NRG3: variants seen among roughly 807,000 people sequenced by gnomAD.
NRG3 encodes pro-neuregulin-3, membrane-bound isoform.
Under a neutral mutation model 66.9 loss-of-function variants are expected in NRG3, and 31 were observed. That is an observed-to-expected ratio of 0.46 (90% confidence interval 0.35 to 0.63). The LOEUF is 0.63. NRG3 is among the 20% of genes least tolerant of loss of function. NRG3 has a pLI of 0.00. For synonymous variants in NRG3, 393 were observed against 359.4 expected, an observed-to-expected ratio of 1.09 and a Z score of -1.06; for missense variants, 910 against 878.9, an observed-to-expected ratio of 1.04 and a Z score of -0.45.
chr10:82,315,985 A>G (rs1479756562), intron 1 of NRG3, among the ~76,000 whole-genome samples: 3 of 152,114 alleles, frequency 2.0e-5, no homozygotes, highest in Non-Finnish European at 4.4e-5. Context: ...TAGTCGCAAT[A>G]GGAAGGATGA....
At chr10:82,132,895 A>G (rs1302347000) in intron 1 of NRG3, among the ~76,000 whole-genome samples, 1 of 151,524 alleles carries the variant, frequency 6.6e-6, no homozygotes, top group Non-Finnish European at 1.5e-5. Context: ...TTATTCTTTG[A>G]ATTTCTTCAA....
chr10:82,750,410 A>G (rs2058816831), intron 3 of NRG3, among the ~76,000 whole-genome samples: 1 of 152,186 alleles, frequency 6.6e-6, no homozygotes, highest in Non-Finnish European at 1.5e-5. Context: ...ATAATATCTC[A>G]TAATGTGGAT....
chr10:82,743,281 C>A (rs907510400), intron 3 of NRG3, among the ~76,000 whole-genome samples: 1 of 152,102 alleles, frequency 6.6e-6, no homozygotes, highest in African/African-American at 2.4e-5. Context: ...TTCATACGTG[C>A]TGACTTCGAT....
intron 2 of NRG3, among the ~76,000 whole-genome samples, chr10:82,668,674 A>G (rs1327774357): frequency 6.6e-6 from 1 of 152,174 alleles, no homozygotes; most frequent in East Asian, 1.9e-4. Context: ...GAGACTGAGA[A>G]GCGTTCTGAG....
At chr10:82,577,553 AGCTT>A (rs1210026555) in intron 2 of NRG3, among the ~76,000 whole-genome samples, 5 of 151,814 alleles carry the variant, frequency 3.3e-5, no homozygotes, top group Non-Finnish European at 7.4e-5. Context: ...TGAGAAGAGA[AGCTT>A]GATCATATCA....
At chr10:82,199,416 G>A (rs1454654081) in intron 1 of NRG3, among the ~76,000 whole-genome samples, 1 of 152,022 alleles carries the variant, frequency 6.6e-6, no homozygotes, top group African/African-American at 2.4e-5. Context: ...CATGTTCTGG[G>A]AGCTGAGGTA....
chr10:82,031,285 G>C (rs962055114), intron 1 of NRG3, among the ~76,000 whole-genome samples: 2 of 152,070 alleles, frequency 1.3e-5, no homozygotes, highest in African/African-American at 4.8e-5. Flanking sequence ...GTGGACCAGG[G>C]ATTTTAATTA....
intron 2 of NRG3, among the ~76,000 whole-genome samples, chr10:82,701,910 A>G (rs1457812078): frequency 2.0e-5 from 3 of 152,190 alleles, no homozygotes; most frequent in South Asian, 4.1e-4. Flanking sequence ...ATAGGGATAT[A>G]TTAGAAGCCT....
chr10:82,691,485 A>G (rs1047403772), intron 2 of NRG3, among the ~76,000 whole-genome samples: 1 of 152,194 alleles, frequency 6.6e-6, no homozygotes, highest in African/African-American at 2.4e-5. Flanking sequence ...GGTTGCTGAC[A>G]TGATTCCAGA....
chr10:82,256,420 C>G (rs2077729354), intron 1 of NRG3, among the ~76,000 whole-genome samples: 1 of 152,118 alleles, frequency 6.6e-6, no homozygotes, highest in South Asian at 2.1e-4. Context: ...TCAGGAAGCT[C>G]TTTTTCTTGT....
At chr10:81,978,334 C>T (rs1435929078) in intron 1 of NRG3, among the ~76,000 whole-genome samples, 2 of 152,064 alleles carry the variant, frequency 1.3e-5, no homozygotes, top group Admixed American at 6.5e-5. Context: ...GTGAATATTG[C>T]CCTTTATTAT....
intron 4 of NRG3, among the ~76,000 whole-genome samples, chr10:82,914,551 G>C (rs1050522173): frequency 6.6e-6 from 1 of 152,040 alleles, no homozygotes; most frequent in Non-Finnish European, 1.5e-5. Context: ...GTTGTCCTTG[G>C]ACTTCCCTAG....
At position 81,957,308 on chromosome 10, in the gene NRG3, T is replaced by C. The variant is rs115106485; in HGVS notation, c.823+81145T>C. Among the ~76,000 whole-genome samples, 948 of 152,242 alleles carry C rather than the reference T, an allele frequency of 6.2e-3. 5 individuals carry two copies. The highest frequency in any genetic ancestry group is 0.021 in the African/African-American group (887 of 41,560). ...AGAGCTCATTCATTATAGTACCTGG[T>C]ATTTCTCTACCTAATAGTGTTATTC... On this transcript the variant is annotated intron_variant, in intron 1 of 8. Coordinates refer to ENST00000372141, the MANE Select transcript of NRG3 (RefSeq NM_001010848.4).
intron 2 of NRG3, among the ~76,000 whole-genome samples, chr10:82,433,025 T>C (rs1033629727): frequency 6.6e-6 from 1 of 152,218 alleles, no homozygotes; most frequent in African/African-American, 2.4e-5. Context: ...TCTAGATCGT[T>C]GAGGAATCAC....
intron 1 of NRG3, among the ~76,000 whole-genome samples, chr10:81,979,515 T>A (rs1047024520): frequency 6.6e-6 from 1 of 152,176 alleles, no homozygotes; most frequent in African/African-American, 2.4e-5. Flanking sequence ...TCCCACCTAG[T>A]TTTCTTTTTG....
chr10:82,599,937 G>T (rs186479558), intron 2 of NRG3, among the ~76,000 whole-genome samples: 39 of 152,246 alleles, frequency 2.6e-4, no homozygotes. Flanking sequence ...CCTTTTAAAT[G>T]TAGAACTAAA....
In NRG3 at chr10:82,023,923, T is replaced by G. The variant is rs73310535; in HGVS notation, c.823+147760T>G. ...CTTTTTGGAATAGTTTAAGTAGAAT[T>G]GTTATTGCTTCTTCTTTAAATGTTT... On this transcript the variant is annotated intron_variant, in intron 1 of 8. Transcript: ENST00000372141. 2.6e-5 allele frequency among the ~76,000 whole-genome samples: 4 copies of G among 152,018 alleles called. No homozygotes were observed. The East Asian group carries it at 7.7e-4, about 29-fold the overall frequency.
At chr10:82,019,288 A>G (rs1443822252) in intron 1 of NRG3, among the ~76,000 whole-genome samples, 1 of 152,182 alleles carries the variant, frequency 6.6e-6, no homozygotes, top group East Asian at 1.9e-4. Flanking sequence ...GATGAAGCCC[A>G]CTTGATCATG....
chr10:81,911,703 T>C (rs1845182517), intron 1 of NRG3, among the ~76,000 whole-genome samples: 1 of 143,168 alleles, frequency 7.0e-6, no homozygotes, highest in Non-Finnish European at 1.5e-5. Context: ...AACCATTCCT[T>C]CCACCTCCAA....
Sources: gnomAD v4.1 joint callset for allele counts (sites outside exome capture counted in the v4.1 genomes callset) on GRCh38, gnomAD v4.1.1 for gene constraint, MANE v1.5 for transcripts, NCBI Gene and HGNC (gene_info 2026-07-23, HGNC 2026-07-21) for gene names.